The following SEMA5A variants were observed in gnomAD, a reference collection of about 807,000 sequenced individuals.
SEMA5A encodes the protein semaphorin 5A.
Under a neutral mutation model 135.5 loss-of-function variants are expected in SEMA5A, and 55 were observed. That is an observed-to-expected ratio of 0.41 (90% CI 0.33 to 0.51). The LOEUF is 0.51. Ranked by LOEUF, SEMA5A falls within the 20% of genes least tolerant of loss-of-function variation. The pLI is 0.37. For missense variants in SEMA5A, 1,290 were observed against 1,419.9 expected (o/e 0.91, Z 1.47); for synonymous variants, 580 against 546.5 (o/e 1.06, Z -0.85).
rs185097923 is a variant in SEMA5A, at chr5:9,410,947, C to A, written c.-78+26809G>T. ...TCTCTATCTACTTACTATATTTATT[C>A]TTGAGTTATAGCAAATGACAATTTC... On this transcript the variant is annotated intron_variant, in intron 2 of 22. Coordinates refer to ENST00000382496, the MANE Select transcript of SEMA5A (RefSeq NM_003966.3). Among the ~76,000 whole-genome samples, 40 of 146,960 alleles carry A rather than the reference C, an allele frequency of 2.7e-4. No individual in the cohort carries two copies. In the East Asian group the frequency reaches 7.5e-3, roughly 27 times the overall value.
chr5:9,543,852 CAT>C (rs1738228816), intron 1 of SEMA5A, among the ~76,000 whole-genome samples: 2 of 129,744 alleles, frequency 1.5e-5, no homozygotes, highest in Non-Finnish European at 3.3e-5. Context: ...AAAAAAAAAA[CAT>C]AGAAAAAGAA....
chr5:9,194,205 C>T (rs1745266609), intron 10 of SEMA5A, among the ~76,000 whole-genome samples: 1 of 152,150 alleles, frequency 6.6e-6, no homozygotes, highest in Non-Finnish European at 1.5e-5. Flanking sequence ...TCTAACAGGG[C>T]AGGGCTCTGA....
intron 13 of SEMA5A, among the ~76,000 whole-genome samples, chr5:9,134,552 A>G (rs1476909778): frequency 6.6e-6 from 1 of 152,250 alleles, no homozygotes; most frequent in Non-Finnish European, 1.5e-5. Flanking sequence ...CACAAACACT[A>G]GAGCACAGAG....
chr5:9,110,862 C>G (rs1392542233), intron 15 of SEMA5A, among the ~76,000 whole-genome samples: 1 of 152,078 alleles, frequency 6.6e-6, no homozygotes. Context: ...TCTCAGAGCT[C>G]AGGGCCACTG....
intron 11 of SEMA5A, among the ~76,000 whole-genome samples, chr5:9,166,178 A>G (rs1743596793): frequency 6.6e-6 from 1 of 152,158 alleles, no homozygotes; most frequent in African/African-American, 2.4e-5. Context: ...TCTGCATGTA[A>G]GTTCTGGAGA....
chr5:9,507,865 A>G (rs959788247), intron 1 of SEMA5A, among the ~76,000 whole-genome samples: 3 of 151,996 alleles, frequency 2.0e-5, no homozygotes, highest in Admixed American at 6.5e-5. Context: ...TTAGCCGGGC[A>G]TGGTGGCGGG....
intron 16 of SEMA5A, among the ~76,000 whole-genome samples, chr5:9,080,213 C>T (rs1738299378): frequency 6.6e-6 from 1 of 152,158 alleles, no homozygotes; most frequent in African/African-American, 2.4e-5. Flanking sequence ...GAATACTATG[C>T]AGCCATAAAA....
At chr5:9,200,509 A>G (rs1193676718) in intron 9 of SEMA5A, among the ~76,000 whole-genome samples, 1 of 152,242 alleles carries the variant, frequency 6.6e-6, no homozygotes, top group Non-Finnish European at 1.5e-5. Flanking sequence ...TTTTGGAAAG[A>G]AAATCAACTT....
chr5:9,480,723 A>T (rs1759843954), intron 1 of SEMA5A, among the ~76,000 whole-genome samples: 1 of 152,144 alleles, frequency 6.6e-6, no homozygotes, highest in Non-Finnish European at 1.5e-5. Context: ...CCTCACACAG[A>T]ACAGATCCAT....
intron 1 of SEMA5A, among the ~76,000 whole-genome samples, chr5:9,464,841 C>G (rs1476619355): frequency 1.3e-5 from 2 of 152,224 alleles, no homozygotes; most frequent in African/African-American, 4.8e-5. Flanking sequence ...GCACTCAGGT[C>G]TCTTTTGGAG....
At chr5:9,544,694 T>C (rs1738282177) in intron 1 of SEMA5A, among the ~76,000 whole-genome samples, 2 of 152,186 alleles carry the variant, frequency 1.3e-5, no homozygotes, top group South Asian at 4.1e-4. Context: ...GAAAGTTAAA[T>C]CCCAACTCCG....
intron 3 of SEMA5A, among the ~76,000 whole-genome samples, chr5:9,353,098 G>GAAAGGAAAGGAAAGGAAAGGA (rs1378151075): frequency 1.3e-3 from 29 of 21,786 alleles, no homozygotes; most frequent in Non-Finnish European, 1.7e-3. Flanking sequence ...GGAAAGGAAG[G>GAAAGGAAAGGAAAGGAAAGGA]AAGGAAAGGA....
chr5:9,459,288 T>C (rs1266399379), intron 1 of SEMA5A, among the ~76,000 whole-genome samples: 1 of 152,196 alleles, frequency 6.6e-6, no homozygotes, highest in Non-Finnish European at 1.5e-5. Flanking sequence ...CTGTGACTTG[T>C]TTCTACAAAT....
At chr5:9,124,931 C>T (rs947043641) in intron 13 of SEMA5A, among the ~76,000 whole-genome samples, 3 of 152,204 alleles carry the variant, frequency 2.0e-5, no homozygotes, top group Admixed American at 1.3e-4. Flanking sequence ...CGGAAAGACT[C>T]ATCATCCTCA....
chr5:9,051,535 C>T (rs1736575655), intron 20 of SEMA5A, among the ~76,000 whole-genome samples: 1 of 152,264 alleles, frequency 6.6e-6, no homozygotes, highest in Non-Finnish European at 1.5e-5. Context: ...CGAGCACTGC[C>T]TAAACATTTA....
intron 16 of SEMA5A, among the ~76,000 whole-genome samples, chr5:9,082,091 ATGC>A (rs1299100013): frequency 2.0e-5 from 3 of 152,218 alleles, no homozygotes; most frequent in Non-Finnish European, 2.9e-5. Flanking sequence ...GCCAGGGAGA[ATGC>A]TATCTGGAAT....
chr5:9,089,507 T>C lies in SEMA5A; in HGVS notation c.2073+18633A>G, dbSNP rs186107136. Reference sequence around the variant, plus strand: ...AGACTGCAATGGGTGAATATCGCAGTACATTTGATGACCAGTCATTAACCA... The same window carrying C: ...AGACTGCAATGGGTGAATATCGCAGCACATTTGATGACCAGTCATTAACCA... On this transcript the variant is annotated intron_variant, in intron 16 of 22. Transcript: ENST00000382496. 2.0e-5 allele frequency among the ~76,000 whole-genome samples: 3 copies of C among 151,894 alleles called. No individual in the cohort carries two copies. The East Asian group carries it at 5.8e-4, about 30-fold the overall frequency.
rs940039425 is a variant in SEMA5A, at chr5:9,144,446, G to T, written c.1482-7825C>A. On this transcript the variant is annotated intron_variant, in intron 12 of 22. Transcript: ENST00000382496. ...ATTCACCTAACTTAACAGTTTGACT[G>T]CAATTGAGTGGAAGAGGTTCAATGC... Among the ~76,000 whole-genome samples, 5 of 152,290 alleles carry T rather than the reference G, an allele frequency of 3.3e-5. No individual in the cohort carries two copies. The East Asian group carries it at 7.7e-4, about 24-fold the overall frequency.
intron 16 of SEMA5A, among the ~76,000 whole-genome samples, chr5:9,087,871 T>C (rs1054128787): frequency 1.3e-5 from 2 of 152,232 alleles, no homozygotes; most frequent in African/African-American, 4.8e-5. Context: ...TTTATTTATT[T>C]TTCTCTCCTA....
Sources: allele counts gnomAD v4.1 joint callset (sites outside exome capture counted in the v4.1 genomes callset), GRCh38; gene constraint gnomAD v4.1.1; transcripts MANE v1.5; gene names NCBI Gene and HGNC (gene_info 2026-07-23, HGNC 2026-07-21).